The following MIPEP variants were observed in gnomAD, a reference collection of about 807,000 sequenced individuals.
The protein encoded by MIPEP is mitochondrial intermediate peptidase.
MIPEP carries 79 observed loss-of-function variants against 90.3 expected under a neutral mutation model. The observed-to-expected ratio is 0.87, with a 90% CI of 0.73 to 1.05. MIPEP has a LOEUF of 1.05. MIPEP is among the 50% of genes least tolerant of loss of function. The pLI, the probability that MIPEP is intolerant of heterozygous loss-of-function variation, is 0.00. For synonymous variants in MIPEP, 334 were observed against 315.8 expected, an observed-to-expected ratio of 1.06 and a Z score of -0.61; for missense variants, 940 against 905.6, an observed-to-expected ratio of 1.04 and a Z score of -0.49.
chr13:23,867,685 G>A (rs1307494000), intron 7 of MIPEP, among the ~76,000 whole-genome samples: 1 of 152,078 alleles, frequency 6.6e-6, no homozygotes, highest in African/African-American at 2.4e-5. Context: ...GTAAATATTT[G>A]CTGAATTAAT....
At chr13:23,805,469 G>A (rs925151599) in intron 16 of MIPEP, among the ~76,000 whole-genome samples, 11 of 152,092 alleles carry the variant, frequency 7.2e-5, no homozygotes, top group African/African-American at 1.2e-4. Flanking sequence ...AGAGTCTGGC[G>A]CCTAGAATCC....
intron 16 of MIPEP, among the ~76,000 whole-genome samples, chr13:23,805,542 T>C (rs1953098444): frequency 6.6e-6 from 1 of 152,220 alleles, no homozygotes; most frequent in Non-Finnish European, 1.5e-5. Context: ...ATAAGATATG[T>C]AAAGCATCTA....
intron 10 of MIPEP, among the ~76,000 whole-genome samples, chr13:23,846,549 A>G (rs559924517): frequency 6.6e-6 from 1 of 152,314 alleles, no homozygotes; most frequent in East Asian, 1.9e-4. Flanking sequence ...GATGTGACCT[A>G]TGTCTAAACA....
intron 8 of MIPEP, among the ~76,000 whole-genome samples, chr13:23,862,986 T>C (rs1265435193): frequency 6.6e-6 from 1 of 152,194 alleles, no homozygotes; most frequent in Admixed American, 6.5e-5. Context: ...TTCTTTATTG[T>C]ATCAAAGACA....
At chr13:23,858,470 CAAA>C (rs1178186750) in intron 10 of MIPEP, among the ~76,000 whole-genome samples, 6 of 48,938 alleles carry the variant, frequency 1.2e-4, no homozygotes, top group African/African-American at 3.7e-4. Flanking sequence ...GACTCCGCCT[CAAA>C]AAAAAAAAAA....
intron 18 of MIPEP, among the ~76,000 whole-genome samples, chr13:23,740,397 C>A (rs578029023): frequency 1.3e-5 from 2 of 151,488 alleles, no homozygotes; most frequent in Non-Finnish European, 2.9e-5. Context: ...CTTCTGGAGC[C>A]CTGTTGTAAC....
At chr13:23,835,552 C>T (rs774298617) in intron 14 of MIPEP, among the ~76,000 whole-genome samples, 4 of 152,044 alleles carry the variant, frequency 2.6e-5, no homozygotes, top group Non-Finnish European at 5.9e-5. Flanking sequence ...GGAGTACATA[C>T]AGTCTGAGGG....
intron 10 of MIPEP, among the ~76,000 whole-genome samples, chr13:23,847,178 G>C (rs1026500379): frequency 1.3e-5 from 2 of 152,188 alleles, no homozygotes; most frequent in African/African-American, 4.8e-5. Context: ...AGGAAGCACA[G>C]TAATTGTATC....
chr13:23,793,696 A>G (rs1256744713), intron 16 of MIPEP, among the ~76,000 whole-genome samples: 3 of 151,982 alleles, frequency 2.0e-5, no homozygotes. Context: ...TCAATACATT[A>G]TAAACTGAGA....
At chr13:23,858,956 T>G in intron 9 of MIPEP, 44 bp from the exon 10 acceptor site, 3 of 1,556,864 alleles carry the variant, frequency 1.9e-6, no homozygotes, top group Non-Finnish European at 1.8e-6. Flanking sequence ...ACTGACTCTT[T>G]CATAGTTTTT....
chr13:23,833,433 T>C (rs1471772915), intron 14 of MIPEP, among the ~76,000 whole-genome samples: 2 of 152,204 alleles, frequency 1.3e-5, no homozygotes, highest in Non-Finnish European at 2.9e-5. Flanking sequence ...TGGATCCATC[T>C]TCTGTGTCTG....
Position 23,776,145 on chromosome 13 carries a change from C to T in MIPEP, c.1849-15928G>A, listed in dbSNP as rs1022288346. 2.0e-5 allele frequency among the ~76,000 whole-genome samples: 3 copies of T among 152,084 alleles called. No homozygotes were observed. In the East Asian group the frequency reaches 5.8e-4, roughly 29 times the overall value. On this transcript the variant is annotated intron_variant, in intron 16 of 18. Transcript: ENST00000382172. ...ACTTTTTGCCTGCAGCTTATATCTG[C>T]TCATGTCACTTCTCTGCTTACAAAC...
chr13:23,827,049 T>G (rs1868486301), intron 14 of MIPEP, among the ~76,000 whole-genome samples: 1 of 152,198 alleles, frequency 6.6e-6, no homozygotes, highest in Non-Finnish European at 1.5e-5. Flanking sequence ...TACAGCAGGA[T>G]GTACACAGGT....
intron 12 of MIPEP, among the ~76,000 whole-genome samples, 188 bp from the exon 13 acceptor site, chr13:23,837,944 T>C (rs1327254169): frequency 6.6e-6 from 1 of 152,200 alleles, no homozygotes; most frequent in African/African-American, 2.4e-5. Context: ...AAAATTTTAA[T>C]TTTTTAAAAC....
chr13:23,813,724 T>C (rs1015428005), intron 14 of MIPEP, among the ~76,000 whole-genome samples: 1 of 152,110 alleles, frequency 6.6e-6, no homozygotes, highest in Admixed American at 6.6e-5. Context: ...GCCAAGATCT[T>C]GAGGGGCTAA....
At chr13:23,824,578 G>C (rs182620389) in intron 14 of MIPEP, among the ~76,000 whole-genome samples, 16 of 152,318 alleles carry the variant, frequency 1.1e-4, no homozygotes, top group Admixed American at 2.6e-4. Context: ...TGATTTCCCA[G>C]CTGATCCCAT....
chr13:23,811,358 C>T (rs923554389), intron 14 of MIPEP, among the ~76,000 whole-genome samples: 2 of 152,188 alleles, frequency 1.3e-5, no homozygotes, highest in Non-Finnish European at 2.9e-5. Context: ...CTGCTTCTAA[C>T]CTCTCAGGCT....
At chr13:23,774,716 A>T (rs1356138792) in intron 16 of MIPEP, among the ~76,000 whole-genome samples, 2 of 151,744 alleles carry the variant, frequency 1.3e-5, no homozygotes, top group African/African-American at 4.8e-5. Context: ...TTATTGCTAG[A>T]ATACAGAAAA....
chr13:23,779,283 C>T lies in MIPEP; in HGVS notation c.1849-19066G>A, dbSNP rs191957400. On this transcript the variant is annotated intron_variant, in intron 16 of 18. Coordinates refer to ENST00000382172, the MANE Select transcript of MIPEP (RefSeq NM_005932.4). The stretch of plus-strand genomic sequence containing the variant: ...TGTGAGTGATGTGTATGTAGAAAAC[C>T]CCGAAATTGTGGCAGGTATCAAAGA... Among the ~76,000 whole-genome samples, 11 of 152,110 alleles carry T rather than the reference C, an allele frequency of 7.2e-5. No homozygotes were observed. In the East Asian group the frequency reaches 2.1e-3, roughly 29 times the overall value.
Sources: allele counts gnomAD v4.1 joint callset (sites outside exome capture counted in the v4.1 genomes callset), GRCh38; gene constraint gnomAD v4.1.1; transcripts MANE v1.5; gene names NCBI Gene and HGNC (gene_info 2026-07-23, HGNC 2026-07-21).